NOP58: variants seen among roughly 807,000 people sequenced by gnomAD.
NOP58 encodes NOP58 ribonucleoprotein, also known as nucleolar protein 58.
NOP58 carries 44 observed loss-of-function variants against 71.2 expected under a neutral mutation model. The ratio of observed to expected loss-of-function variants is 0.62; its 90% CI spans 0.49 to 0.79. The LOEUF (loss-of-function observed/expected upper bound fraction) is 0.79, where lower values mean the gene tolerates loss of function less well. Ranked by LOEUF, NOP58 falls within the 30% of genes least tolerant of loss-of-function variation. The pLI is 0.00. For missense variants in NOP58, 538 were observed against 620.2 expected (o/e 0.87, Z 1.41); for synonymous variants, 228 against 200.3 (o/e 1.14, Z -1.17).
chr2:202,270,321 G>A (rs962868689), intron 1 of NOP58, among the ~76,000 whole-genome samples: 14 of 152,172 alleles, frequency 9.2e-5, no homozygotes, highest in African/African-American at 3.1e-4. Flanking sequence ...GAAGCTAACC[G>A]AAGAGCTTTT....
intron 13 of NOP58, among the ~76,000 whole-genome samples, chr2:202,300,711 A>G (rs894690039): frequency 4.6e-5 from 7 of 152,222 alleles, no homozygotes; most frequent in African/African-American, 1.7e-4. Context: ...GAATGAATAC[A>G]GAATTGATGG....
chr2:202,287,064 C>CTT lies in NOP58; in HGVS notation c.435-576_435-575dup, dbSNP rs11326861. 1.9e-3 allele frequency among the ~76,000 whole-genome samples: 211 copies of CTT among 110,700 alleles called. 1 individual carries two copies. Among genetic ancestry groups the CTT allele is most frequent in the African/African-American group, 3.4e-3 (100 of 29,210 alleles). 72.6% of individuals were successfully genotyped at this position (110,700 alleles called of 152,430 possible). A position where few individuals can be genotyped will look rare whatever the true frequency, so the allele number is the denominator to read the frequency against. Reference sequence around the variant, plus strand: ...TTAAAAATTGCATGAACCAATATGGCTTTTTTTTTTTTTTTTTTTTTGAGG... The same window carrying CTT: ...TTAAAAATTGCATGAACCAATATGGCTTTTTTTTTTTTTTTTTTTTTTTGAGG... On this transcript the variant is annotated intron_variant, in intron 5 of 14. Coordinates refer to ENST00000264279, the MANE Select transcript of NOP58 (RefSeq NM_015934.5).
At chr2:202,299,751 T>G (rs1689058703) in intron 12 of NOP58, 1 of 152,334 alleles carries the variant, frequency 6.6e-6, no homozygotes, top group South Asian at 2.1e-4. Flanking sequence ...TATGGAATCT[T>G]TTCCATGTGC....
intron 9 of NOP58, among the ~76,000 whole-genome samples, chr2:202,294,938 C>T (rs1204819132): frequency 6.6e-6 from 1 of 151,168 alleles, no homozygotes; most frequent in Non-Finnish European, 1.5e-5. Context: ...GCACTCCAGC[C>T]TGCGCAACAG....
chr2:202,268,128 A>G (rs1035463528), intron 1 of NOP58, among the ~76,000 whole-genome samples: 5 of 152,220 alleles, frequency 3.3e-5, no homozygotes, highest in Non-Finnish European at 7.3e-5. Flanking sequence ...AAATATTAAG[A>G]TACATGTAAA....
intron 1 of NOP58, among the ~76,000 whole-genome samples, chr2:202,272,342 G>A (rs934095293): frequency 1.3e-5 from 2 of 151,760 alleles, no homozygotes; most frequent in Non-Finnish European, 2.9e-5. Context: ...TTTAGTTAGA[G>A]GCGGGGTTTC....
chr2:202,294,441 T>G (rs1688956383), intron 9 of NOP58, among the ~76,000 whole-genome samples: 1 of 152,078 alleles, frequency 6.6e-6, no homozygotes, highest in Non-Finnish European at 1.5e-5. Context: ...ACAGGAAATA[T>G]TCTATACAGC....
At chr2:202,302,415 A>G (rs2105859948) in intron 13 of NOP58, among the ~76,000 whole-genome samples, 1 of 152,238 alleles carries the variant, frequency 6.6e-6, no homozygotes. Flanking sequence ...AATGATAGCT[A>G]TGTGTTGAGT....
In NOP58 at chr2:202,303,403, G is replaced by C; in HGVS notation, c.1557G>C (p.Lys519Asn). The change falls in exon 15 of 15, where the codon AAG becomes AAC. Residue 519 changes from lysine to asparagine, a missense_variant. Lys to Asn is a moderately conservative substitution (Grantham distance 94, BLOSUM62 0). Coordinates refer to ENST00000264279, the MANE Select transcript of NOP58 (RefSeq NM_015934.5). ...STAIASPEKKKKKKKKRENED is the reference protein window; with the variant it reads ...STAIASPEKKNKKKKKRENED ...ATTTTCAGAGTCCAGAGAAAAAGAA[G>C]AAAAAGAAAAAAAAGAGAGAGAACG... 1 of 1,609,078 alleles carries C rather than the reference G, an allele frequency of 6.2e-7. No homozygotes were observed. Among genetic ancestry groups the C allele is most frequent in the Non-Finnish European group, 8.5e-7 (1 of 1,177,516 alleles).
chr2:202,297,878 G>A lies in NOP58; in HGVS notation c.1240G>A (p.Ala414Thr). The part of the protein sequence containing the change: ...RKISGTGKAL[A>T]KTEKYEHKSE... ...AATAAGTGGAACAGGAAAAGCATTAGCAAAAACAGAAAAATATGAACACAA... is the reference window on the plus strand; with the variant it reads ...AATAAGTGGAACAGGAAAAGCATTAACAAAAACAGAAAAATATGAACACAA... Residue 414 changes from alanine (A) to threonine (T), a missense_variant, in exon 12 of 15, where the codon GCA becomes ACA. Ala to Thr is a moderately conservative substitution (Grantham distance 58). Transcript: ENST00000264279. The A allele has an allele frequency of 1.3e-6, 2 of 1,586,066 alleles. No homozygotes were observed. The highest frequency in any genetic ancestry group is 1.7e-6 in the Non-Finnish European group (2 of 1,167,512).
intron 4 of NOP58, 41 bp downstream of exon 4, chr2:202,282,513 C>G: frequency 1.3e-6 from 2 of 1,575,514 alleles, no homozygotes; most frequent in East Asian, 2.2e-5. Context: ...CTAGTCAGAT[C>G]TCACAGCATA....
intron 1 of NOP58, among the ~76,000 whole-genome samples, chr2:202,272,023 T>C (rs1688518528): frequency 6.6e-6 from 1 of 152,144 alleles, no homozygotes; most frequent in Admixed American, 6.6e-5. Context: ...ATATAGCACA[T>C]CTACACATTA....
intron 8 of NOP58, 50 bp from the exon 9 acceptor site, chr2:202,292,727 C>A (rs1362925208): frequency 6.7e-7 from 1 of 1,490,862 alleles, no homozygotes; most frequent in Admixed American, 1.7e-5. Flanking sequence ...GGAATTTTTA[C>A]TGTTTTTACT....
chr2:202,268,794 A>G (rs1688463282), intron 1 of NOP58, among the ~76,000 whole-genome samples: 1 of 151,158 alleles, frequency 6.6e-6, no homozygotes, highest in Non-Finnish European at 1.5e-5. Flanking sequence ...TATGTTTAGT[A>G]GTGACAGGGT....
chr2:202,274,299 C>T (rs1688553333), intron 1 of NOP58, among the ~76,000 whole-genome samples: 2 of 151,952 alleles, frequency 1.3e-5, no homozygotes, highest in South Asian at 4.2e-4. Context: ...GCAATCTCGG[C>T]TCACTGCAAC....
intron 2 of NOP58, among the ~76,000 whole-genome samples, chr2:202,275,860 G>C (rs1196826773): frequency 2.0e-5 from 3 of 152,068 alleles, no homozygotes; most frequent in Non-Finnish European, 1.5e-5. Flanking sequence ...GTAGAGACAG[G>C]GTTTCGCCAT....
chr2:202,275,290 C>A, intron 2 of NOP58, 101 bp downstream of exon 2: 1 of 637,372 alleles, frequency 1.6e-6, no homozygotes, highest in Non-Finnish European at 2.7e-6. Flanking sequence ...TCGTAGTTTT[C>A]TGTTTTGAAA....
At position 202,303,001 on chromosome 2, in the gene NOP58, C is replaced by T. The variant is rs776603846; in HGVS notation, c.1483C>T (p.His495Tyr). 1.3e-5 allele frequency: 21 copies of T among 1,612,882 alleles called. No individual in the cohort carries two copies. The highest frequency in any genetic ancestry group is 1.7e-5 in the Non-Finnish European group (20 of 1,179,834). The change falls in exon 14 of 15, where the codon CAC becomes TAC. Residue 495 changes from histidine to tyrosine, a missense_variant. His to Tyr is a moderately conservative substitution (Grantham distance 83). Coordinates refer to ENST00000264279, the MANE Select transcript of NOP58 (RefSeq NM_015934.5). ...KKKKKRGKKKHIKEEPLSEEE... is the reference protein window; with the variant it reads ...KKKKKRGKKKYIKEEPLSEEE... The stretch of plus-strand genomic sequence containing the variant: ...GAAGAAGAAAAGGGGTAAAAAGAAA[C>T]ACATTAAGGAAGAACCACTTTCTGA...
chr2:202,271,602 T>A (rs1688512892), intron 1 of NOP58, among the ~76,000 whole-genome samples: 1 of 151,832 alleles, frequency 6.6e-6, no homozygotes, highest in African/African-American at 2.4e-5. Context: ...CATGTTAAAT[T>A]TTGTGAAATA....
Sources: allele counts gnomAD v4.1 joint callset (sites outside exome capture counted in the v4.1 genomes callset), GRCh38; gene constraint gnomAD v4.1.1; transcripts MANE v1.5; gene names NCBI Gene and HGNC (gene_info 2026-07-23, HGNC 2026-07-21).